Variants in AHCY observed in about 807,000 individuals in gnomAD.
The protein encoded by AHCY is S-adenosyl-L-homocysteine hydrolase.
In AHCY, 24 loss-of-function variants were observed where a neutral mutation model predicts 45.4. That is an observed-to-expected ratio of 0.53 (90% CI 0.38 to 0.74). AHCY has a LOEUF of 0.74. AHCY is among the 30% of genes least tolerant of loss of function. The pLI, the probability that AHCY is intolerant of heterozygous loss-of-function variation, is 0.00. For missense variants in AHCY, 449 were observed against 594.1 expected, an observed-to-expected ratio of 0.76 and a Z score of 2.54; for synonymous variants, 245 against 235.1, an observed-to-expected ratio of 1.04 and a Z score of -0.39.
chr20:34,298,269 G>A lies in AHCY; in HGVS notation c.29-2684C>T, dbSNP rs1232659697. Among the ~76,000 whole-genome samples, 4 of 152,208 alleles carry A rather than the reference G, an allele frequency of 2.6e-5. No homozygotes were observed. In the East Asian group the frequency reaches 7.7e-4, roughly 29 times the overall value. Reference sequence around the variant, plus strand: ...AACAAGAATAGTTATACTAGATATAGATCTTATATATGATTATATATGAAT... The same window carrying A: ...AACAAGAATAGTTATACTAGATATAAATCTTATATATGATTATATATGAAT... On this transcript the variant is annotated intron_variant, in intron 1 of 9. Coordinates refer to ENST00000217426, the MANE Select transcript of AHCY (RefSeq NM_000687.4).
downstream of AHCY, among the ~76,000 whole-genome samples, chr20:34,278,827 G>A (rs1300322559): frequency 6.6e-6 from 1 of 152,024 alleles, no homozygotes; most frequent in Non-Finnish European, 1.5e-5. Flanking sequence ...AGTGCACTAA[G>A]GCCAGGCATG....
chr20:34,277,811 T>C (rs564612548), downstream of AHCY, among the ~76,000 whole-genome samples: 3 of 148,792 alleles, frequency 2.0e-5, no homozygotes, highest in South Asian at 6.5e-4. Context: ...TAATGTTCTA[T>C]CATTCGAGCG....
intron 3 of AHCY, among the ~76,000 whole-genome samples, chr20:34,293,302 TG>T (rs2036462843): frequency 6.6e-6 from 1 of 151,736 alleles, no homozygotes; most frequent in Non-Finnish European, 1.5e-5. Context: ...AGGGCACAGG[TG>T]TGGGGTTCCC....
chr20:34,282,944 T>A (rs1041116467), intron 9 of AHCY, among the ~76,000 whole-genome samples: 1 of 152,220 alleles, frequency 6.6e-6, no homozygotes, highest in Non-Finnish European at 1.5e-5. Flanking sequence ...TCACATCTAC[T>A]GTTTCATTAG....
the AHCY span, among the ~76,000 whole-genome samples, chr20:34,264,144 A>C: frequency 6.6e-6 from 1 of 152,236 alleles, no homozygotes; most frequent in African/African-American, 2.4e-5. Flanking sequence ...TAAATCTATT[A>C]TAAAAAATTA....
At chr20:34,266,502 G>A in the AHCY span, among the ~76,000 whole-genome samples, 5 of 151,752 alleles carry the variant, frequency 3.3e-5, no homozygotes, top group Non-Finnish European at 5.9e-5. Flanking sequence ...GTGAAACCCC[G>A]TCTCTACTAA....
chr20:34,250,986 G>A, the AHCY span, among the ~76,000 whole-genome samples: 2 of 152,080 alleles, frequency 1.3e-5, no homozygotes, highest in African/African-American at 2.4e-5. Context: ...ATTCCCTCAA[G>A]CAGAGATCTT....
intron 9 of AHCY, among the ~76,000 whole-genome samples, chr20:34,283,918 T>C (rs2036085039): frequency 6.6e-6 from 1 of 152,230 alleles, no homozygotes; most frequent in African/African-American, 2.4e-5. Flanking sequence ...AGCAAAAGGC[T>C]GGAAGAGCAA....
chr20:34,285,187 T>A (rs577722633), intron 9 of AHCY, among the ~76,000 whole-genome samples: 1 of 152,286 alleles, frequency 6.6e-6, no homozygotes, highest in South Asian at 2.1e-4. Context: ...CTGGGGTGTG[T>A]CCCGCTCCAA....
rs575261085 is a variant in AHCY, at chr20:34,309,121, G to A, written c.-57+2351C>T. ...ATTACAGGCATGCACCACCACACCC[G>A]GCTAATTTTTGTATTTTTAGTAGAG... On this transcript the variant is annotated intron_variant, in intron 1 of 9. Coordinates refer to the AHCY transcript ENST00000538132. Among the ~76,000 whole-genome samples, 234 of 148,088 alleles carry A rather than the reference G, an allele frequency of 1.6e-3. 2 individuals carry two copies. Among genetic ancestry groups the A allele is most frequent in the Middle Eastern group, 7.4e-3 (2 of 272 alleles).
the AHCY span, among the ~76,000 whole-genome samples, chr20:34,245,711 A>G: frequency 6.6e-6 from 1 of 152,042 alleles, no homozygotes; most frequent in Non-Finnish European, 1.5e-5. Flanking sequence ...TTTTTATTTG[A>G]CTAAATTCTA....
At chr20:34,238,234 G>A in the AHCY span, among the ~76,000 whole-genome samples, 1 of 151,916 alleles carries the variant, frequency 6.6e-6, no homozygotes, top group Admixed American at 6.6e-5. Context: ...AAATATTCTG[G>A]GTTTTTTTCT....
At chr20:34,236,408 G>A in the AHCY span, among the ~76,000 whole-genome samples, 70 of 152,302 alleles carry the variant, frequency 4.6e-4, no homozygotes, top group African/African-American at 1.5e-3. Flanking sequence ...GCCAGGCATG[G>A]TGGTGCGTGT....
At chr20:34,298,719 C>G (rs1307312396) in intron 1 of AHCY, among the ~76,000 whole-genome samples, 4 of 152,082 alleles carry the variant, frequency 2.6e-5, no homozygotes, top group Non-Finnish European at 5.9e-5. Flanking sequence ...ATCCAGAGGC[C>G]TAACCATCTC....
intron 1 of AHCY, chr20:34,302,996 G>A (rs920653272): frequency 2.0e-6 from 2 of 985,446 alleles, no homozygotes; most frequent in South Asian, 9.4e-5. Flanking sequence ...TTTGCGGCTC[G>A]CAGACCGCGC....
chr20:34,233,500 G>A, the AHCY span, among the ~76,000 whole-genome samples: 1 of 152,262 alleles, frequency 6.6e-6, no homozygotes, highest in Non-Finnish European at 1.5e-5. Flanking sequence ...CAGCCACAAA[G>A]ACTACATACT....
At chr20:34,306,079 C>CAAAAAAAAAAAAAAAAAAAAAAAAA (rs56039506), upstream of AHCY, among the ~76,000 whole-genome samples, 1 of 103,104 alleles carries the variant, frequency 9.7e-6, no homozygotes, top group Non-Finnish European at 2.0e-5. Context: ...AAGACTGCCT[C>CAAAAAAAAAAAAAAAAAAAAAAAAA]AAAAAAAAAA....
At chr20:34,286,179 G>A (rs887322284) in intron 8 of AHCY, 14 of 180,772 alleles carry the variant, frequency 7.7e-5, no homozygotes, top group Admixed American at 4.3e-4. Context: ...AGAACTTCAC[G>A]TGCTCACACT....
chr20:34,290,282 C>A lies in AHCY; in HGVS notation c.972+50G>T. ...GCTCTCCTCCCTGGCAGCCAGCACT[C>A]CTCTGCACTCCCATCTGCCCAGCCC... On this transcript the variant is annotated intron_variant, in intron 8 of 9. Transcript: ENST00000217426. This position sits in a 1 kb window ranked among gnomAD's most constrained non-coding sequence, Gnocchi z 4.5. The A allele has an allele frequency of 6.4e-7, 1 of 1,565,266 alleles. No individual in the cohort carries two copies. Among genetic ancestry groups the A allele is most frequent in the Non-Finnish European group, 8.8e-7 (1 of 1,138,730 alleles).
Sources: allele counts gnomAD v4.1 joint callset (sites outside exome capture counted in the v4.1 genomes callset), GRCh38; gene constraint gnomAD v4.1.1; non-coding constraint Gnocchi (gnomAD v3.1); transcripts MANE v1.5; gene names NCBI Gene and HGNC (gene_info 2026-07-23, HGNC 2026-07-21).